OR51B5: variants seen among roughly 807,000 people sequenced by gnomAD.
OR51B5 encodes the protein olfactory receptor 51B5.
For synonymous variants in OR51B5, 186 were observed against 144.8 expected (o/e 1.28, Z -2.04); for missense variants, 456 against 374.6 (o/e 1.22, Z -1.79).
intron 1 of OR51B5, among the ~76,000 whole-genome samples, chr11:5,373,487 G>T (rs1448560239): frequency 6.6e-6 from 1 of 152,090 alleles, no homozygotes; most frequent in African/African-American, 2.4e-5. Context: ...ACAGGTCAGT[G>T]GGTGCAGCAC....
At chr11:5,480,588 C>G (rs1851402839) in intron 1 of OR51B5, among the ~76,000 whole-genome samples, 2 of 151,106 alleles carry the variant, frequency 1.3e-5, no homozygotes. Context: ...TTGAAAGGAT[C>G]AATAAAATTG....
At chr11:5,467,378 C>G (rs902246922) in intron 1 of OR51B5, among the ~76,000 whole-genome samples, 1 of 152,074 alleles carries the variant, frequency 6.6e-6, no homozygotes, top group East Asian at 1.9e-4. Flanking sequence ...TATTTGATCC[C>G]TATGGCTTTA....
chr11:5,430,120 A>C (rs143877852), intron 1 of OR51B5, among the ~76,000 whole-genome samples: 2,252 of 152,336 alleles, frequency 0.015, 23 homozygotes, highest in Middle Eastern at 0.027. Context: ...AAAGAAGGTA[A>C]CATTAATAAT....
intron 1 of OR51B5, among the ~76,000 whole-genome samples, chr11:5,500,043 G>A (rs1315599764): frequency 6.6e-6 from 1 of 152,190 alleles, no homozygotes; most frequent in Non-Finnish European, 1.5e-5. Flanking sequence ...AAGAGACAGT[G>A]AGCTCACAAT....
chr11:5,441,794 C>T (rs1342039347), intron 1 of OR51B5, among the ~76,000 whole-genome samples: 3 of 152,130 alleles, frequency 2.0e-5, no homozygotes, highest in East Asian at 1.9e-4. Flanking sequence ...TAGGAGACAA[C>T]ATTAACAATT....
At chr11:5,342,847 A>C in exon 1 of OR51B5, 1 of 1,613,412 alleles carries the variant, frequency 6.2e-7, no homozygotes, top group South Asian at 1.1e-5. Flanking sequence ...CTCTGGAGGC[A>C]ATGCTCAGGA....
intron 1 of OR51B5, chr11:5,440,467 T>C (rs1308579467): frequency 5.5e-6 from 4 of 721,182 alleles, no homozygotes; most frequent in Non-Finnish European, 7.1e-6. Flanking sequence ...CATTCACTAC[T>C]ATCAAGATCC....
downstream of OR51B5, chr11:5,342,522 C>G (rs776403128): frequency 8.7e-5 from 131 of 1,513,428 alleles, 1 homozygote; most frequent in Non-Finnish European, 1.1e-4. Flanking sequence ...TATGAGACTT[C>G]TTTGCTCTCC....
intron 1 of OR51B5, among the ~76,000 whole-genome samples, chr11:5,478,862 GAA>G (rs879750705): frequency 1.1e-3 from 169 of 150,594 alleles, no homozygotes; most frequent in Non-Finnish European, 2.0e-3. Context: ...GGGACTATGT[GAA>G]AAGACCAAAT....
At chr11:5,493,970 A>C (rs979219625) in intron 1 of OR51B5, among the ~76,000 whole-genome samples, 1 of 152,192 alleles carries the variant, frequency 6.6e-6, no homozygotes, top group African/African-American at 2.4e-5. Flanking sequence ...GGATACAACC[A>C]ATATTAAGAC....
intron 1 of OR51B5, among the ~76,000 whole-genome samples, chr11:5,421,137 G>GGCA (rs1850328560): frequency 6.6e-6 from 1 of 152,192 alleles, no homozygotes. Flanking sequence ...GGACACCAGG[G>GGCA]GCAGCAAAGG....
intron 1 of OR51B5, chr11:5,403,226 G>C (rs1274233457): frequency 4.2e-6 from 2 of 471,342 alleles, no homozygotes; most frequent in Non-Finnish European, 8.8e-6. Context: ...CTACTTTTGG[G>C]CTGGATTCGT....
chr11:5,393,565 T>G (rs976503996), intron 1 of OR51B5, among the ~76,000 whole-genome samples: 2 of 152,048 alleles, frequency 1.3e-5, no homozygotes, highest in Non-Finnish European at 2.9e-5. Context: ...CATTTTACAA[T>G]GACTATAAAA....
chr11:5,451,711 T>C (rs1320676270), intron 1 of OR51B5, among the ~76,000 whole-genome samples: 2 of 152,204 alleles, frequency 1.3e-5, no homozygotes, highest in East Asian at 1.9e-4. Flanking sequence ...TTCTCCTTCA[T>C]TCCCATCAGA....
intron 1 of OR51B5, among the ~76,000 whole-genome samples, chr11:5,499,933 G>C (rs546602621): frequency 1.5e-4 from 23 of 152,320 alleles, no homozygotes; most frequent in Non-Finnish European, 2.9e-4. Context: ...ATACAGTAAT[G>C]AGAACATGGA....
At chr11:5,467,521 CACTA>C (rs1228129939) in intron 1 of OR51B5, among the ~76,000 whole-genome samples, 2 of 152,198 alleles carry the variant, frequency 1.3e-5, no homozygotes, top group Admixed American at 1.3e-4. Context: ...ATGGCCTGTC[CACTA>C]ACTGTTTACT....
At chr11:5,350,959 GTATTTGCTCA>G (rs1564915551) in intron 1 of OR51B5, among the ~76,000 whole-genome samples, 1 of 151,936 alleles carries the variant, frequency 6.6e-6, no homozygotes, top group African/African-American at 2.4e-5. Context: ...CTATTTTATT[GTATTTGCTCA>G]TATATTTCTT....
intron 1 of OR51B5, among the ~76,000 whole-genome samples, chr11:5,357,683 T>A (rs1849216630): frequency 2.7e-5 from 4 of 150,742 alleles, no homozygotes; most frequent in Admixed American, 2.0e-4. Context: ...ATCAACAGAA[T>A]ATACATTCTT....
At chr11:5,504,313 T>C (rs317787) in intron 1 of OR51B5, among the ~76,000 whole-genome samples, 98,785 of 152,146 alleles carry the variant, frequency 0.65, 32,376 homozygotes, top group Admixed American at 0.7. Context: ...GCTCTCAGTA[T>C]TGCAGACTTT....
Sources: allele counts gnomAD v4.1 joint callset (sites outside exome capture counted in the v4.1 genomes callset), GRCh38; gene constraint gnomAD v4.1.1; transcripts MANE v1.5; gene names NCBI Gene and HGNC (gene_info 2026-07-23, HGNC 2026-07-21).